CHL1: variants seen among roughly 807,000 people sequenced by gnomAD.
CHL1 encodes the protein cell adhesion molecule L1 like.
Under a neutral mutation model 141.9 loss-of-function variants are expected in CHL1, and 96 were observed. The ratio of observed to expected loss-of-function variants is 0.68; its 90% CI spans 0.57 to 0.80. CHL1 has a LOEUF of 0.80. Ranked by LOEUF, CHL1 falls within the 30% of genes least tolerant of loss-of-function variation. The probability of loss-of-function intolerance (pLI) is 0.00; values close to 1 mark genes in which losing one functional copy is unlikely to be tolerated. For missense variants in CHL1, 1,820 were observed against 1,457.2 expected, an observed-to-expected ratio of 1.25 and a Z score of -4.05; for synonymous variants, 613 against 502.2, an observed-to-expected ratio of 1.22 and a Z score of -2.95.
intron 2 of CHL1, among the ~76,000 whole-genome samples, chr3:297,335 A>T (rs542910645): frequency 7.9e-5 from 12 of 152,292 alleles, no homozygotes; most frequent in African/African-American, 2.4e-4. Flanking sequence ...GGGGTCAGAA[A>T]AGCGTAATTT....
At chr3:367,461 G>A (rs73013184) in intron 15 of CHL1, among the ~76,000 whole-genome samples, 1 of 152,076 alleles carries the variant, frequency 6.6e-6, no homozygotes, top group Non-Finnish European at 1.5e-5. Context: ...TTGTGCTTTA[G>A]TTTTAAATCC....
At chr3:233,416 G>T (rs1382908043) in intron 1 of CHL1, among the ~76,000 whole-genome samples, 2 of 151,978 alleles carry the variant, frequency 1.3e-5, no homozygotes, top group Non-Finnish European at 2.9e-5. Context: ...TGCTAAACTG[G>T]GTCACTTACC....
chr3:319,266 G>A (rs1407975273), intron 2 of CHL1, among the ~76,000 whole-genome samples: 1 of 150,712 alleles, frequency 6.6e-6, no homozygotes, highest in African/African-American at 2.5e-5. Flanking sequence ...ACTACCTATC[G>A]GGTGCTATGC....
intron 1 of CHL1, among the ~76,000 whole-genome samples, chr3:241,924 C>T (rs1217333783): frequency 6.6e-6 from 1 of 151,970 alleles, no homozygotes; most frequent in Non-Finnish European, 1.5e-5. Context: ...AGGGTAAATG[C>T]TTTCTAGAGT....
rs146174114 is a variant in CHL1, at chr3:253,991, G to A, written c.-95+9299G>A. 8.8e-4 allele frequency among the ~76,000 whole-genome samples: 133 copies of A among 151,758 alleles called. 1 individual carries two copies. The highest frequency in any genetic ancestry group is 2.9e-3 in the African/African-American group (119 of 41,410). On this transcript the variant is annotated intron_variant, in intron 2 of 27. Transcript: ENST00000256509. ...CTTGATGATATTATCTCCATTTTAC[G>A]AATGCACAAATGGAGGGACAAAGAG... is the stretch of plus-strand genomic sequence containing the variant.
At chr3:318,535 G>C (rs1700309123) in intron 2 of CHL1, among the ~76,000 whole-genome samples, 1 of 151,364 alleles carries the variant, frequency 6.6e-6, no homozygotes, top group Non-Finnish European at 1.5e-5. Flanking sequence ...CAATGTTTCA[G>C]AAAAAAATTG....
In CHL1 at chr3:314,818, C is replaced by G. The variant is rs573099163; in HGVS notation, c.-94-4865C>G. Among the ~76,000 whole-genome samples the G allele has an allele frequency of 5.8e-3, 880 of 152,142 alleles. 6 individuals carry two copies. Among genetic ancestry groups the G allele is most frequent in the African/African-American group, 0.02 (814 of 41,516 alleles). The stretch of plus-strand genomic sequence containing the variant: ...CTAGAATTCATCCTAGGGTCAAAAG[C>G]CTACCAGATTCAAGAAGTGAGGAAA... On this transcript the variant is annotated intron_variant, in intron 2 of 27. Coordinates refer to ENST00000256509, the MANE Select transcript of CHL1 (RefSeq NM_006614.4).
At chr3:255,373 G>T (rs1694060477) in intron 2 of CHL1, among the ~76,000 whole-genome samples, 4 of 152,186 alleles carry the variant, frequency 2.6e-5, no homozygotes, top group Admixed American at 2.6e-4. Context: ...GACGTTTTAA[G>T]TGATTATGAT....
rs538405620 is a variant in CHL1 at position 361,512 on chromosome 3, A to C, written c.1307-187A>C. 1.2e-4 allele frequency among the ~76,000 whole-genome samples: 19 copies of C among 152,264 alleles called. No individual in the cohort carries two copies. In the South Asian group the frequency reaches 3.9e-3, roughly 32 times the overall value. Reference sequence around the variant, plus strand: ...ATATCCAGAATCTACAATGAACTCAAACAAATTTACAAGAAATTGTACTTT... The same window carrying C: ...ATATCCAGAATCTACAATGAACTCACACAAATTTACAAGAAATTGTACTTT... On this transcript the variant is annotated intron_variant, in intron 12 of 27. Coordinates refer to ENST00000256509, the MANE Select transcript of CHL1 (RefSeq NM_006614.4).
At chr3:392,941 A>T (rs1224279559) in intron 23 of CHL1, among the ~76,000 whole-genome samples, 1 of 111,398 alleles carries the variant, frequency 9.0e-6, no homozygotes, top group Non-Finnish European at 2.0e-5. Context: ...CTATTTTATG[A>T]ATGAGGGAAT....
chr3:197,987 C>T (rs1405701356), intron 1 of CHL1: 1 of 362,632 alleles, frequency 2.8e-6, no homozygotes, highest in Non-Finnish European at 5.5e-6. Flanking sequence ...CCCTCCGTTC[C>T]CACTCTCCGG....
chr3:372,171 A>C (rs1489515461), intron 15 of CHL1, among the ~76,000 whole-genome samples: 2 of 152,174 alleles, frequency 1.3e-5, no homozygotes. Flanking sequence ...AGGTTTGGGA[A>C]GTTCTCCTGG....
intron 1 of CHL1, among the ~76,000 whole-genome samples, chr3:229,364 G>A (rs1701665032): frequency 6.6e-6 from 1 of 152,120 alleles, no homozygotes; most frequent in Admixed American, 6.6e-5. Context: ...GTTTCCCCAT[G>A]CCCCCGTTGA....
chr3:358,923 C>A (rs1703956924), intron 11 of CHL1, among the ~76,000 whole-genome samples: 1 of 148,608 alleles, frequency 6.7e-6, no homozygotes, highest in Non-Finnish European at 1.5e-5. Context: ...CTTGACATTT[C>A]CAGCTAACAT....
chr3:401,370 G>C (rs1448543089), intron 26 of CHL1, among the ~76,000 whole-genome samples: 1 of 152,138 alleles, frequency 6.6e-6, no homozygotes. Context: ...ACATAAAATT[G>C]AGTAGTCACG....
chr3:238,573 T>C (rs1033126528), intron 1 of CHL1, among the ~76,000 whole-genome samples: 8 of 152,078 alleles, frequency 5.3e-5, no homozygotes, highest in African/African-American at 1.7e-4. Flanking sequence ...ATTAATAAGA[T>C]CATTTTTCCC....
Position 349,522 on chromosome 3 carries a change from G to T in CHL1, c.1012G>T (p.Asp338Tyr). ...CAATTTCTTGGGAACAGCCACTCAC[G>T]ATTTTCACGTTATAGTAGAAGGTAC... ...ASNFLGTATH[D>Y]FHVIVEEPPR... The change falls in exon 10 of 28, where the codon GAT (aspartate) becomes TAT (tyrosine). Residue 338 changes from aspartate (D) to tyrosine (Y), a missense_variant. Asp to Tyr is a radical substitution (Grantham distance 160). Coordinates refer to ENST00000256509, the MANE Select transcript of CHL1 (RefSeq NM_006614.4). The T allele has an allele frequency of 6.2e-7, 1 of 1,613,394 alleles. No homozygotes were observed. Among genetic ancestry groups the T allele is most frequent in the Non-Finnish European group, 8.5e-7 (1 of 1,179,774 alleles).
chr3:298,982 A>C (rs2124883148), intron 2 of CHL1, among the ~76,000 whole-genome samples: 1 of 152,308 alleles, frequency 6.6e-6, no homozygotes, highest in Admixed American at 6.5e-5. Flanking sequence ...AAGGTGCTAT[A>C]ACCTGGTTGA....
At chr3:315,652 C>G (rs927330030) in intron 2 of CHL1, among the ~76,000 whole-genome samples, 2 of 151,976 alleles carry the variant, frequency 1.3e-5, no homozygotes, top group South Asian at 2.1e-4. Context: ...GAGGTACGCA[C>G]GCTTGTCCAT....
Sources: gnomAD v4.1 joint callset for allele counts (sites outside exome capture counted in the v4.1 genomes callset) on GRCh38, gnomAD v4.1.1 for gene constraint, MANE v1.5 for transcripts, NCBI Gene and HGNC (gene_info 2026-07-23, HGNC 2026-07-21) for gene names.